The following NLK variants were observed in gnomAD, a reference collection of about 807,000 sequenced individuals.
NLK encodes the protein serine/threonine-protein kinase NLK.
NLK carries 11 observed loss-of-function variants against 59.0 expected under a neutral mutation model. That is an observed-to-expected ratio of 0.19 (90% CI 0.12 to 0.31). The LOEUF (loss-of-function observed/expected upper bound fraction) is 0.31. NLK is among the 10% of genes least tolerant of loss of function. The pLI is 1.00. For synonymous variants in NLK, 235 were observed against 235.9 expected (o/e 1.00, Z 0.03); for missense variants, 410 against 661.1 (o/e 0.62, Z 4.16).
chr17:28,045,042 G>T (rs113589059), intron 1 of NLK, among the ~76,000 whole-genome samples: 1 of 152,114 alleles, frequency 6.6e-6, no homozygotes, highest in Non-Finnish European at 1.5e-5. Flanking sequence ...GAACTGGAGT[G>T]CTGAAACATC....
At chr17:28,184,385 CA>C (rs1909034081) in intron 7 of NLK, among the ~76,000 whole-genome samples, 1 of 152,106 alleles carries the variant, frequency 6.6e-6, no homozygotes, top group Non-Finnish European at 1.5e-5. Context: ...TCATTCTTGC[CA>C]AAGCATTTAA....
chr17:28,043,042 T>A lies in NLK; in HGVS notation c.169T>A (p.Ser57Thr). The A allele has an allele frequency of 1.3e-6, 2 of 1,557,044 alleles. No individual in the cohort carries two copies. The highest frequency in any genetic ancestry group is 1.7e-6 in the Non-Finnish European group (2 of 1,149,926). The change falls in exon 1 of 11, where the codon TCG becomes ACG. Residue 57 changes from serine to threonine, a missense_variant. Ser to Thr is a moderately conservative substitution (Grantham distance 58). Transcript: ENST00000407008. ...HHPQHHLHPG[S>T]AAAVHPVQQH... ...CCCTCAACACCATCTTCATCCGGGG[T>A]CGGCTGCCGCTGTACACCCTGTACA...
At chr17:28,081,196 T>G (rs1387262864) in intron 1 of NLK, among the ~76,000 whole-genome samples, 1 of 151,774 alleles carries the variant, frequency 6.6e-6, no homozygotes, top group East Asian at 1.9e-4. Flanking sequence ...GGCCTAGACC[T>G]GGTTTGTTTT....
At chr17:28,115,279 G>A (rs75819494) in intron 1 of NLK, among the ~76,000 whole-genome samples, 1 of 152,166 alleles carries the variant, frequency 6.6e-6, no homozygotes, top group African/African-American at 2.4e-5. Context: ...CATTCTGTTG[G>A]CAGAGCCTAA....
intron 8 of NLK, among the ~76,000 whole-genome samples, chr17:28,189,438 A>G (rs1430364385): frequency 6.6e-6 from 1 of 152,252 alleles, no homozygotes. Context: ...TTTATAGCAC[A>G]GAATGCCAAG....
chr17:28,132,470 T>G, intron 2 of NLK, 150 bp from the exon 3 acceptor site: 1 of 629,044 alleles, frequency 1.6e-6, no homozygotes, highest in Non-Finnish European at 2.8e-6. Flanking sequence ...TGTTTAGTAC[T>G]GTGTTTCTTG....
At chr17:28,135,607 G>A (rs1473449687) in intron 3 of NLK, among the ~76,000 whole-genome samples, 1 of 152,244 alleles carries the variant, frequency 6.6e-6, no homozygotes, top group Non-Finnish European at 1.5e-5. Context: ...TTCGGAATGT[G>A]CAGGGTTTGG....
Position 28,043,125 on chromosome 17 carries a change from G to A in NLK, c.252G>A (p.Met84Ile). The A allele has an allele frequency of 4.4e-6, 7 of 1,606,226 alleles. No individual in the cohort carries two copies. Among genetic ancestry groups the A allele is most frequent in the Non-Finnish European group, 6.0e-6 (7 of 1,176,268 alleles). Residue 84 changes from methionine (M) to isoleucine (I), a missense_variant, in exon 1 of 11, where the codon ATG (methionine) becomes ATA (isoleucine). Transcript: ENST00000407008. Reference sequence around the variant, plus strand: ...CAGCAGCGGCTGCAGCTGCAGCCATGTTAAACCCTGGGCAACAACAGCCAT... The same window carrying A: ...CAGCAGCGGCTGCAGCTGCAGCCATATTAAACCCTGGGCAACAACAGCCAT... ...AAAAAAAAAA[M>I]LNPGQQQPYF...
At chr17:28,159,230 G>C (rs867789952) in intron 3 of NLK, among the ~76,000 whole-genome samples, 3 of 152,214 alleles carry the variant, frequency 2.0e-5, no homozygotes, top group Admixed American at 6.5e-5. Context: ...TTTATGGCCT[G>C]TGAGACCATT....
chr17:28,168,351 AG>A (rs1908327564), intron 5 of NLK, 96 bp from the exon 6 acceptor site: 1 of 836,036 alleles, frequency 1.2e-6, no homozygotes, highest in African/African-American at 1.7e-5. Flanking sequence ...AAAAAAAAAA[AG>A]TTTCAAAGTT....
At chr17:28,079,083 T>G (rs1910260859) in intron 1 of NLK, among the ~76,000 whole-genome samples, 1 of 152,200 alleles carries the variant, frequency 6.6e-6, no homozygotes, top group African/African-American at 2.4e-5. Flanking sequence ...CTATTTATAT[T>G]CATTTGACTA....
chr17:28,151,305 G>A (rs1907470469), intron 3 of NLK, among the ~76,000 whole-genome samples: 1 of 152,060 alleles, frequency 6.6e-6, no homozygotes, highest in African/African-American at 2.4e-5. Context: ...ATCATAAGGT[G>A]GTGTGTATTG....
At chr17:28,126,792 G>A (rs766373671) in intron 2 of NLK, among the ~76,000 whole-genome samples, 2 of 152,130 alleles carry the variant, frequency 1.3e-5, no homozygotes, top group Non-Finnish European at 2.9e-5. Flanking sequence ...TCTAAAAATT[G>A]GTGTTTAGGC....
chr17:28,165,713 C>T (rs920192720), intron 5 of NLK, among the ~76,000 whole-genome samples: 2 of 151,986 alleles, frequency 1.3e-5, no homozygotes, highest in African/African-American at 2.4e-5. Context: ...AGGTTGTCTT[C>T]CAAATAAGTT....
chr17:28,205,227 G>A, the NLK span, among the ~76,000 whole-genome samples: 152 of 152,342 alleles, frequency 1.0e-3, no homozygotes, highest in African/African-American at 3.6e-3. Context: ...TATGTGAGAC[G>A]TACCTGGAAT....
the NLK span, among the ~76,000 whole-genome samples, chr17:28,204,875 T>C: frequency 5.9e-5 from 9 of 152,208 alleles, no homozygotes; most frequent in Non-Finnish European, 1.0e-4. Flanking sequence ...TTCCTGGTAT[T>C]CCAGGGGAAA....
chr17:28,088,403 T>A (rs895575853), intron 1 of NLK, among the ~76,000 whole-genome samples: 1 of 152,354 alleles, frequency 6.6e-6, no homozygotes, highest in Non-Finnish European at 1.5e-5. Context: ...CTGAAATAGT[T>A]CTATAAAGTG....
At chr17:28,180,073 T>C (rs1908847440) in intron 7 of NLK, among the ~76,000 whole-genome samples, 1 of 152,134 alleles carries the variant, frequency 6.6e-6, no homozygotes, top group African/African-American at 2.4e-5. Flanking sequence ...TGCTAGAAAC[T>C]AAAATTTTAA....
At chr17:28,142,936 G>T (rs1597706611) in intron 3 of NLK, among the ~76,000 whole-genome samples, 1 of 152,082 alleles carries the variant, frequency 6.6e-6, no homozygotes, top group Non-Finnish European at 1.5e-5. Context: ...AGGGGGCCAG[G>T]CTTGGGCATC....
Sources: allele counts gnomAD v4.1 joint callset (sites outside exome capture counted in the v4.1 genomes callset), GRCh38; gene constraint gnomAD v4.1.1; transcripts MANE v1.5; gene names NCBI Gene and HGNC (gene_info 2026-07-23, HGNC 2026-07-21).